PTPRD: variants seen among roughly 807,000 people sequenced by gnomAD.
The protein encoded by PTPRD is receptor-type tyrosine-protein phosphatase delta.
Under a neutral mutation model 214.5 loss-of-function variants are expected in PTPRD, and 34 were observed. The observed-to-expected ratio is 0.16, with a 90% CI of 0.12 to 0.21. The LOEUF is 0.21. Among genes scored for constraint, PTPRD ranks in the 10% least tolerant of loss-of-function variants. The pLI is 1.00. For synonymous variants in PTPRD, 1,128 were observed against 845.7 expected, an observed-to-expected ratio of 1.33 and a Z score of -5.79; for missense variants, 2,545 against 2,398.7, an observed-to-expected ratio of 1.06 and a Z score of -1.27.
intron 3 of PTPRD, among the ~76,000 whole-genome samples, chr9:10,268,320 C>T (rs2475351): frequency 0.19 from 27,048 of 143,664 alleles, 2,565 homozygotes; most frequent in East Asian, 0.26. Flanking sequence ...ATAATAATAA[C>T]GATAATAATA....
intron 7 of PTPRD, among the ~76,000 whole-genome samples, chr9:9,655,142 A>C (rs1321703236): frequency 6.6e-6 from 1 of 152,188 alleles, no homozygotes; most frequent in African/African-American, 2.4e-5. Context: ...TTGTTATAAA[A>C]ACTATATGAT....
intron 7 of PTPRD, among the ~76,000 whole-genome samples, chr9:9,705,108 C>A (rs1430393214): frequency 6.6e-6 from 1 of 152,120 alleles, no homozygotes. Context: ...CAGAGCACTT[C>A]ACGTGAAGCT....
intron 2 of PTPRD, among the ~76,000 whole-genome samples, chr9:10,477,959 A>C (rs1429797074): frequency 1.3e-5 from 2 of 151,926 alleles, no homozygotes; most frequent in African/African-American, 4.8e-5. Context: ...GGAGGTGGAC[A>C]TCACACCGAG....
chr9:9,940,102 G>A (rs1369587684), intron 4 of PTPRD, among the ~76,000 whole-genome samples: 1 of 152,146 alleles, frequency 6.6e-6, no homozygotes, highest in African/African-American at 2.4e-5. Context: ...AAACCACAAG[G>A]AAGGTATGAT....
At chr9:10,356,702 A>G (rs2097285225) in intron 2 of PTPRD, among the ~76,000 whole-genome samples, 1 of 150,788 alleles carries the variant, frequency 6.6e-6, no homozygotes, top group South Asian at 2.1e-4. Flanking sequence ...TTTTTTTGAG[A>G]CAGAGTCTCA....
chr9:9,985,917 T>C (rs964496615), intron 4 of PTPRD, among the ~76,000 whole-genome samples: 5 of 152,190 alleles, frequency 3.3e-5, no homozygotes, highest in African/African-American at 9.6e-5. Flanking sequence ...TGAAAACTAA[T>C]GTATAGGTAG....
chr9:8,947,935 T>C (rs1393133166), intron 11 of PTPRD, among the ~76,000 whole-genome samples: 2 of 152,136 alleles, frequency 1.3e-5, no homozygotes, highest in South Asian at 4.2e-4. Flanking sequence ...ACTAGTATCA[T>C]TGCATCGAGG....
intron 5 of PTPRD, among the ~76,000 whole-genome samples, chr9:9,882,333 C>A (rs747666708): frequency 4.7e-4 from 71 of 151,986 alleles, no homozygotes; most frequent in Non-Finnish European, 7.9e-4. Context: ...GAAAGGTTTT[C>A]CCATCATTTT....
Position 8,366,414 on chromosome 9 carries a change from T to C in PTPRD, c.4661+9522A>G, listed in dbSNP as rs564580539. 5.3e-5 allele frequency among the ~76,000 whole-genome samples: 8 copies of C among 152,230 alleles called. No individual in the cohort carries two copies. In the South Asian group the frequency reaches 1.7e-3, roughly 32 times the overall value. On this transcript the variant is annotated intron_variant, in intron 39 of 45. Transcript: ENST00000381196. The stretch of plus-strand genomic sequence containing the variant: ...ATTTTGGGGGGAAGTGGAAGAGGTA[T>C]TGAGGGAGGTGAGATGGGAAGAGAC...
At chr9:10,487,530 T>G (rs1160810713) in intron 2 of PTPRD, among the ~76,000 whole-genome samples, 2 of 152,198 alleles carry the variant, frequency 1.3e-5, no homozygotes, top group Non-Finnish European at 2.9e-5. Flanking sequence ...TTATAACCCA[T>G]TATTTTAAGC....
intron 8 of PTPRD, among the ~76,000 whole-genome samples, chr9:9,524,250 G>C (rs2073466347): frequency 1.3e-5 from 2 of 151,960 alleles, no homozygotes; most frequent in African/African-American, 4.8e-5. Flanking sequence ...CTTACCAACA[G>C]TTTGTTTCTT....
chr9:10,412,455 A>G (rs1232308818), intron 2 of PTPRD, among the ~76,000 whole-genome samples: 3 of 151,754 alleles, frequency 2.0e-5, no homozygotes, highest in African/African-American at 4.8e-5. Context: ...GCTTAGGACC[A>G]GATGTAGTAT....
chr9:10,589,280 G>T (rs2074778074), intron 2 of PTPRD, among the ~76,000 whole-genome samples: 1 of 152,038 alleles, frequency 6.6e-6, no homozygotes. Flanking sequence ...CTCCTTGAAA[G>T]AGAACACAGC....
intron 2 of PTPRD, among the ~76,000 whole-genome samples, chr9:10,502,129 G>C (rs2043966227): frequency 6.6e-6 from 1 of 151,810 alleles, no homozygotes; most frequent in Non-Finnish European, 1.5e-5. Flanking sequence ...TTCATGGTGA[G>C]AAAAGAAAGC....
chr9:9,995,847 A>G (rs867778870), intron 4 of PTPRD, among the ~76,000 whole-genome samples: 2 of 152,176 alleles, frequency 1.3e-5, no homozygotes, highest in African/African-American at 4.8e-5. Context: ...TAAACCCACA[A>G]TTCAATCCCC....
intron 2 of PTPRD, among the ~76,000 whole-genome samples, chr9:10,442,683 AG>A (rs2098768248): frequency 6.6e-6 from 1 of 151,612 alleles, no homozygotes; most frequent in Admixed American, 6.6e-5. Flanking sequence ...GAAAATTTGT[AG>A]GTTAGAGTAC....
chr9:10,475,277 G>A lies in PTPRD; in HGVS notation c.-599-134260C>T, dbSNP rs529781781. The stretch of plus-strand genomic sequence containing the variant: ...GAAGAAAAGGGAGAAGAATCAAATA[G>A]ACACAATAAAAAATGATAAAGGGGA... On this transcript the variant is annotated intron_variant, in intron 2 of 45. Coordinates refer to ENST00000381196, the MANE Select transcript of PTPRD (RefSeq NM_002839.4). 2.6e-5 allele frequency among the ~76,000 whole-genome samples: 4 copies of A among 152,012 alleles called. No homozygotes were observed. The South Asian group carries it at 6.2e-4, about 24-fold the overall frequency.
intron 10 of PTPRD, among the ~76,000 whole-genome samples, chr9:9,024,678 T>C (rs562664145): frequency 1.3e-5 from 2 of 151,988 alleles, no homozygotes; most frequent in South Asian, 4.1e-4. Context: ...ACCAGTTCTG[T>C]TGAAAAGTTT....
intron 26 of PTPRD, among the ~76,000 whole-genome samples, chr9:8,494,816 C>G (rs1194225872): frequency 6.6e-6 from 1 of 152,132 alleles, no homozygotes; most frequent in Non-Finnish European, 1.5e-5. Flanking sequence ...CGGTCATATC[C>G]TTTCTTGGAT....
Sources: allele counts gnomAD v4.1 joint callset (sites outside exome capture counted in the v4.1 genomes callset), GRCh38; gene constraint gnomAD v4.1.1; transcripts MANE v1.5; gene names NCBI Gene and HGNC (gene_info 2026-07-23, HGNC 2026-07-21).